The following ATXN1 variants were observed in gnomAD, a reference collection of about 807,000 sequenced individuals.
ATXN1 encodes ataxin 1.
ATXN1 carries 8 observed loss-of-function variants against 56.4 expected under a neutral mutation model. The ratio of observed to expected loss-of-function variants is 0.14; its 90% CI spans 0.08 to 0.26. The LOEUF is 0.26. Among genes scored for constraint, ATXN1 ranks in the 10% least tolerant of loss-of-function variants. The probability of loss-of-function intolerance (pLI) is 1.00; values close to 1 mark genes in which losing one functional copy is unlikely to be tolerated. For missense variants in ATXN1, 987 were observed against 1,106.5 expected (o/e 0.89, Z 1.53); for synonymous variants, 514 against 494.6 (o/e 1.04, Z -0.52).
chr6:16,607,721 T>A (rs759896743), intron 3 of ATXN1, among the ~76,000 whole-genome samples: 1 of 152,196 alleles, frequency 6.6e-6, no homozygotes, highest in Non-Finnish European at 1.5e-5. Flanking sequence ...GTCAAGCATA[T>A]CCCCAAATTC....
intron 6 of ATXN1, among the ~76,000 whole-genome samples, chr6:16,353,078 T>C (rs1273861262): frequency 2.0e-5 from 3 of 152,142 alleles, no homozygotes; most frequent in African/African-American, 7.2e-5. Flanking sequence ...CGTGAGATTT[T>C]ATCATGCTAC....
intron 6 of ATXN1, among the ~76,000 whole-genome samples, chr6:16,357,252 ATTTT>A (rs1205428769): frequency 7.2e-6 from 1 of 139,022 alleles, no homozygotes; most frequent in Non-Finnish European, 1.5e-5. Flanking sequence ...ATTTTATTTT[ATTTT>A]ATTTATTTTA....
At chr6:16,652,503 A>C (rs1411886623) in intron 3 of ATXN1, among the ~76,000 whole-genome samples, 1 of 152,210 alleles carries the variant, frequency 6.6e-6, no homozygotes, top group African/African-American at 2.4e-5. Context: ...AAGACCTCCA[A>C]AACAGAAATG....
At chr6:16,740,691 T>TTTTA (rs544011701) in intron 2 of ATXN1, among the ~76,000 whole-genome samples, 2 of 152,116 alleles carry the variant, frequency 1.3e-5, no homozygotes, top group Non-Finnish European at 2.9e-5. Flanking sequence ...ACATATAATT[T>TTTTA]TTTATTTATT....
chr6:16,325,116 C>CT (rs1268826826), intron 7 of ATXN1, among the ~76,000 whole-genome samples: 1 of 123,870 alleles, frequency 8.1e-6, no homozygotes, highest in East Asian at 2.6e-4. Context: ...TGCCTTCCAT[C>CT]TGTTTTTTTT....
At chr6:16,634,384 A>G in intron 3 of ATXN1, among the ~76,000 whole-genome samples, 1 of 152,178 alleles carries the variant, frequency 6.6e-6, no homozygotes, top group African/African-American at 2.4e-5. Flanking sequence ...TCCCTACCTC[A>G]TAGGGTTGTT....
At chr6:16,553,418 A>G (rs1176517318) in intron 4 of ATXN1, among the ~76,000 whole-genome samples, 1 of 152,172 alleles carries the variant, frequency 6.6e-6, no homozygotes, top group Admixed American at 6.5e-5. Flanking sequence ...TTGTCACTCC[A>G]GGATGCTTCC....
intron 2 of ATXN1, among the ~76,000 whole-genome samples, chr6:16,726,257 G>A (rs1759846870): frequency 6.6e-6 from 1 of 151,860 alleles, no homozygotes; most frequent in South Asian, 2.1e-4. Context: ...GCGTGTGCCT[G>A]TAATCCCAGC....
chr6:16,758,453 T>TA (rs1760954365), intron 1 of ATXN1, among the ~76,000 whole-genome samples: 1 of 152,248 alleles, frequency 6.6e-6, no homozygotes, highest in Admixed American at 6.5e-5. Context: ...GAGATGCATT[T>TA]ACATACTGCA....
At chr6:16,390,680 TCACA>T (rs57705650) in intron 6 of ATXN1, among the ~76,000 whole-genome samples, 39 of 147,256 alleles carry the variant, frequency 2.6e-4, no homozygotes, top group African/African-American at 5.0e-4. Context: ...AATAAACACA[TCACA>T]CACACACACA....
rs945094325 is a variant in ATXN1, at chr6:16,745,128, G to GT, written c.-615+8104dup. The stretch of plus-strand genomic sequence containing the variant: ...AGCCTATTAAATTAGCCAAAAAATA[G>GT]TAAGTCCCACAATTATTAAGATTGA... On this transcript the variant is annotated intron_variant, in intron 2 of 7. Transcript: ENST00000436367. 6.6e-5 allele frequency among the ~76,000 whole-genome samples: 10 copies of GT among 152,138 alleles called. 1 individual carries two copies. Among genetic ancestry groups the GT allele is most frequent in the Admixed American group, 5.9e-4 (9 of 15,272 alleles).
chr6:16,706,668 G>GA (rs1759413664), intron 2 of ATXN1, among the ~76,000 whole-genome samples: 1 of 150,200 alleles, frequency 6.7e-6, no homozygotes, highest in Admixed American at 6.6e-5. Flanking sequence ...AAGTTGCAGG[G>GA]AGCCGAGATT....
intron 2 of ATXN1, among the ~76,000 whole-genome samples, chr6:16,750,968 CTTT>C (rs35690453): frequency 5.2e-5 from 7 of 135,852 alleles, no homozygotes; most frequent in Admixed American, 1.5e-4. Flanking sequence ...TCTTTCCTCT[CTTT>C]TTTTTTTTTT....
intron 7 of ATXN1, among the ~76,000 whole-genome samples, chr6:16,314,337 C>T (rs1421731606): frequency 1.3e-5 from 2 of 152,134 alleles, no homozygotes; most frequent in African/African-American, 4.8e-5. Flanking sequence ...TAAAGGTTAA[C>T]TGATCATTAA....
At chr6:16,323,686 C>T (rs1760736726) in intron 7 of ATXN1, among the ~76,000 whole-genome samples, 1 of 152,142 alleles carries the variant, frequency 6.6e-6, no homozygotes, top group South Asian at 2.1e-4. Context: ...TAAACAAAAC[C>T]TCTTTTCACA....
chr6:16,547,109 T>C (rs950867731), intron 4 of ATXN1, among the ~76,000 whole-genome samples: 1 of 152,186 alleles, frequency 6.6e-6, no homozygotes, highest in Non-Finnish European at 1.5e-5. Flanking sequence ...CTGACCGAAG[T>C]GGACTTACAA....
At chr6:16,756,434 T>C (rs1433686636) in intron 1 of ATXN1, among the ~76,000 whole-genome samples, 2 of 152,166 alleles carry the variant, frequency 1.3e-5, no homozygotes, top group African/African-American at 4.8e-5. Flanking sequence ...ATATGTAAGG[T>C]CCTAAAACAG....
chr6:16,526,064 T>TATATATACACAC lies in ATXN1; in HGVS notation c.-360-3377_-360-3376insGTGTGTATATAT, dbSNP rs370698828. On this transcript the variant is annotated intron_variant, in intron 4 of 7. Transcript: ENST00000436367. Reference sequence around the variant, plus strand: ...ATCTATATATATATATATATATATATACATACATACAATCTATTTATAATG... The same window carrying TATATATACACAC: ...ATCTATATATATATATATATATATATATATATACACACACATACATACAATCTATTTATAATG... 2.8e-3 allele frequency among the ~76,000 whole-genome samples: 377 copies of TATATATACACAC among 133,308 alleles called. 1 individual carries two copies. The highest frequency in any genetic ancestry group is 8.5e-3 in the East Asian group (41 of 4,824). 87.5% of individuals were successfully genotyped at this position (133,308 alleles called of 152,430 possible).
intron 6 of ATXN1, among the ~76,000 whole-genome samples, chr6:16,363,628 G>A (rs1377835702): frequency 1.3e-5 from 2 of 152,170 alleles, no homozygotes; most frequent in African/African-American, 2.4e-5. Context: ...TTTATAAAGT[G>A]GACCAGTACA....
Sources: allele counts gnomAD v4.1 joint callset (sites outside exome capture counted in the v4.1 genomes callset), GRCh38; gene constraint gnomAD v4.1.1; transcripts MANE v1.5; gene names NCBI Gene and HGNC (gene_info 2026-07-23, HGNC 2026-07-21).